LTBP2: variants seen among roughly 807,000 people sequenced by gnomAD.
LTBP2 encodes the protein latent-transforming growth factor beta-binding protein 2.
Under a neutral mutation model 210.6 loss-of-function variants are expected in LTBP2, and 103 were observed. The observed-to-expected ratio is 0.49, with a 90% CI of 0.42 to 0.58. LTBP2 has a LOEUF of 0.58. Among genes scored for constraint, LTBP2 ranks in the 20% least tolerant of loss-of-function variants. The pLI, the probability that LTBP2 is intolerant of heterozygous loss-of-function variation, is 0.00. For synonymous variants in LTBP2, 1,007 were observed against 1,015.0 expected, an observed-to-expected ratio of 0.99 and a Z score of 0.15; for missense variants, 2,313 against 2,494.5, an observed-to-expected ratio of 0.93 and a Z score of 1.55.
chr14:74,553,923 C>CGTGTGTGTGTGTGTGTGTGT (rs34143485), intron 4 of LTBP2, among the ~76,000 whole-genome samples: 17 of 130,636 alleles, frequency 1.3e-4, no homozygotes, highest in Admixed American at 3.8e-4. Context: ...AGCGGAGAAA[C>CGTGTGTGTGTGTGTGTGTGT]GTGTGTGTGT....
rs939410301 is a variant in LTBP2, at chr14:74,507,956, C to T, written c.3775+17G>A. On this transcript the variant is annotated intron_variant, in intron 25 of 35. Coordinates refer to ENST00000261978, the MANE Select transcript of LTBP2 (RefSeq NM_000428.3). The stretch of plus-strand genomic sequence containing the variant: ...AGATGTGGGCAGAGCCCTGTGCCCT[C>T]CCCCCAGAGCCCTTACCCACACACT... The T allele has an allele frequency of 1.2e-6, 2 of 1,612,158 alleles. No homozygotes were observed. The highest frequency in any genetic ancestry group is 1.7e-6 in the Non-Finnish European group (2 of 1,179,810).
Position 74,503,305 on chromosome 14 carries a change from C to T in LTBP2, c.4802G>A (p.Gly1601Glu). 1 of 1,614,064 alleles carries T rather than the reference C, an allele frequency of 6.2e-7. No individual in the cohort carries two copies. Among genetic ancestry groups the T allele is most frequent in the Non-Finnish European group, 8.5e-7 (1 of 1,180,028 alleles). Reference protein sequence around the residue: ...TNDVCSEPLRGHRTTYTECCC... With the variant: ...TNDVCSEPLREHRTTYTECCC... ...GCATTCCGTGTAGGTGGTGCGGTGC[C>T]CACGCAGGGGTTCGCTGCACACATC... Residue 1601 changes from glycine (G) to glutamate (E), a missense_variant, in exon 33 of 36, where the codon GGG becomes GAG. By Grantham distance (98) the Gly-to-Glu change is moderately conservative. Transcript: ENST00000261978.
intron 2 of LTBP2, among the ~76,000 whole-genome samples, chr14:74,596,648 GA>G (rs1566654232): frequency 1.3e-5 from 2 of 152,228 alleles, no homozygotes; most frequent in Non-Finnish European, 1.5e-5. Context: ...CCCTGGCCCA[GA>G]GAGGCAGCAG....
At chr14:74,510,746 C>G (rs2087060309) in intron 19 of LTBP2, among the ~76,000 whole-genome samples, 1 of 152,248 alleles carries the variant, frequency 6.6e-6, no homozygotes, top group Admixed American at 6.5e-5. Context: ...CAGTCCCTCC[C>G]AGCATTCTGA....
At chr14:74,521,435 C>T (rs1041426870) in intron 17 of LTBP2, among the ~76,000 whole-genome samples, 3 of 152,114 alleles carry the variant, frequency 2.0e-5, no homozygotes, top group African/African-American at 7.2e-5. Flanking sequence ...CACATCACAT[C>T]TTCCCAGGGA....
chr14:74,583,005 C>T (rs115850684), intron 3 of LTBP2, among the ~76,000 whole-genome samples: 325 of 152,312 alleles, frequency 2.1e-3, no homozygotes, highest in African/African-American at 7.6e-3. Flanking sequence ...GAAGCCAGGA[C>T]ATGAGGCTCA....
Position 74,552,380 on chromosome 14 carries a change from G to T in LTBP2, c.1206C>A (p.Ile402=), listed in dbSNP as rs142986851. ...KSGFRIYFCQ[I]PCLNGGRCIG... Reference sequence around the variant, plus strand: ...TGCAGCGGCCTCCGTTCAGGCAGGGGATCTGGCAGAAATCTGCAACATCAA... The same window carrying T: ...TGCAGCGGCCTCCGTTCAGGCAGGGTATCTGGCAGAAATCTGCAACATCAA... Residue 402 remains isoleucine (I), a synonymous_variant, in exon 6 of 36, where the codon ATC becomes ATA. Coordinates refer to ENST00000261978, the MANE Select transcript of LTBP2 (RefSeq NM_000428.3). 4 of 1,607,018 alleles carry T rather than the reference G, an allele frequency of 2.5e-6. No individual in the cohort carries two copies. The highest frequency in any genetic ancestry group is 3.4e-6 in the Non-Finnish European group (4 of 1,179,966).
chr14:74,532,671 T>C, intron 9 of LTBP2, 123 bp from the exon 10 acceptor site: 1 of 1,086,346 alleles, frequency 9.2e-7, no homozygotes, highest in Non-Finnish European at 1.4e-6. Context: ...CTGCTATGTA[T>C]TCAGTGGGAT....
intron 3 of LTBP2, among the ~76,000 whole-genome samples, chr14:74,565,386 G>C (rs1253826894): frequency 3.3e-5 from 5 of 152,204 alleles, no homozygotes; most frequent in Admixed American, 2.0e-4. Flanking sequence ...CTGGTAGAGA[G>C]TGGACTAAAG....
chr14:74,502,530 G>T, intron 34 of LTBP2, 123 bp downstream of exon 34: 1 of 1,390,676 alleles, frequency 7.2e-7, no homozygotes, highest in Non-Finnish European at 1.0e-6. Flanking sequence ...GGGGACCTCT[G>T]GCTTGGTGTG....
chr14:74,586,260 G>A lies in LTBP2; in HGVS notation c.566-142C>T. 2 of 905,934 alleles carry A rather than the reference G, an allele frequency of 2.2e-6. No individual in the cohort carries two copies. The highest frequency in any genetic ancestry group is 2.7e-5 in the East Asian group (1 of 37,724). 56.1% of individuals were successfully genotyped at this position (905,934 alleles called of 1,614,324 possible). ...GAAGCCACTCTCCTGGCCTCAGGGG[G>A]CTCCCTGACCCATGTCTCTCCCACC... On this transcript the variant is annotated intron_variant, in intron 2 of 35. Coordinates refer to ENST00000261978, the MANE Select transcript of LTBP2 (RefSeq NM_000428.3). The surrounding 1 kb of genome is among the most constrained non-coding windows in gnomAD (Gnocchi z 4.6).
rs761149592 is a variant in LTBP2, at chr14:74,551,231, C to G, written c.1519G>C (p.Val507Leu). ...GVEEALVENS[V>L]ETRPPPWLPA... ...AGCCAGGGCGGGGGTCTGGTCTCCA[C>G]GCTGTTCTCCACTAGGGCCTCCTCC... is the stretch of plus-strand genomic sequence containing the variant. Residue 507 changes from valine to leucine, a missense_variant, in exon 7 of 36, where the codon GTG becomes CTG. By Grantham distance (32) the Val-to-Leu change is conservative (BLOSUM62 1). Transcript: ENST00000261978. The G allele has an allele frequency of 6.2e-7, 1 of 1,613,038 alleles. No individual in the cohort carries two copies. The highest frequency in any genetic ancestry group is 1.3e-5 in the African/African-American group (1 of 74,916).
chr14:74,506,548 G>T, intron 27 of LTBP2, 150 bp downstream of exon 27: 1 of 1,292,504 alleles, frequency 7.7e-7, no homozygotes, highest in Non-Finnish European at 1.1e-6. Flanking sequence ...CCCTGGGCGA[G>T]GAGTTGAAGT....
At chr14:74,527,421 C>T in intron 12 of LTBP2, 55 bp from the exon 13 acceptor site, 1 of 1,580,424 alleles carries the variant, frequency 6.3e-7, no homozygotes, top group South Asian at 1.2e-5. Context: ...GCTGCCTTCT[C>T]CCCTCACCGC....
chr14:74,571,590 C>A (rs1036214770), intron 3 of LTBP2, among the ~76,000 whole-genome samples: 1 of 152,226 alleles, frequency 6.6e-6, no homozygotes, highest in Non-Finnish European at 1.5e-5. Context: ...CACGCTACTG[C>A]ATTTTGTGGA....
At chr14:74,605,485 C>T (rs115267826) in intron 1 of LTBP2, among the ~76,000 whole-genome samples, 445 of 152,266 alleles carry the variant, frequency 2.9e-3, no homozygotes, top group African/African-American at 0.01. Flanking sequence ...CTTGTCAGAC[C>T]CAGAGTTTCC....
At position 74,552,918 on chromosome 14, in the gene LTBP2, T is replaced by C. The variant is rs760025306; in HGVS notation, c.1166A>G (p.His389Arg). Reference sequence around the variant, plus strand: ...GATGCGGAAGCCAGACTTGGGATCGTGCCCATGGCCGCCCTGGCTGTACAG... The same window carrying C: ...GATGCGGAAGCCAGACTTGGGATCGCGCCCATGGCCGCCCTGGCTGTACAG... Reference protein sequence around the residue: ...TTLYSQGGHGHDPKSGFRIYF... With the variant: ...TTLYSQGGHGRDPKSGFRIYF... Residue 389 changes from histidine to arginine, a missense_variant, in exon 5 of 36, where the codon CAC becomes CGC. Coordinates refer to ENST00000261978, the MANE Select transcript of LTBP2 (RefSeq NM_000428.3). 1.2e-6 allele frequency: 2 copies of C among 1,613,578 alleles called. No homozygotes were observed. The highest frequency in any genetic ancestry group is 4.5e-5 in the East Asian group (2 of 44,888).
At chr14:74,557,673 C>G (rs772418489) in intron 3 of LTBP2, among the ~76,000 whole-genome samples, 3 of 152,088 alleles carry the variant, frequency 2.0e-5, no homozygotes, top group Non-Finnish European at 4.4e-5. Flanking sequence ...TTCTAAAAGG[C>G]AGCCTCTGTT....
intron 8 of LTBP2, among the ~76,000 whole-genome samples, chr14:74,542,565 G>T (rs986086368): frequency 1.4e-4 from 21 of 152,172 alleles, no homozygotes; most frequent in African/African-American, 4.1e-4. Flanking sequence ...GCCTGGCGAG[G>T]CCAAGCTCAG....
Sources: allele counts gnomAD v4.1 joint callset (sites outside exome capture counted in the v4.1 genomes callset), GRCh38; gene constraint gnomAD v4.1.1; non-coding constraint Gnocchi (gnomAD v3.1); transcripts MANE v1.5; gene names NCBI Gene and HGNC (gene_info 2026-07-23, HGNC 2026-07-21).